The following BRINP1 variants were observed in gnomAD, a reference collection of about 807,000 sequenced individuals.
The protein encoded by BRINP1 is BMP/retinoic acid-inducible neural-specific protein 1.
A neutral mutation model predicts 72.9 loss-of-function variants in BRINP1; 17 were observed. The ratio of observed to expected loss-of-function variants is 0.23; its 90% CI spans 0.16 to 0.35. The LOEUF (loss-of-function observed/expected upper bound fraction) is 0.35. BRINP1 is among the 10% of genes least tolerant of loss of function. BRINP1 has a pLI of 1.00. For synonymous variants in BRINP1, 418 were observed against 378.5 expected (o/e 1.10, Z -1.21); for missense variants, 850 against 1,001.6 (o/e 0.85, Z 2.04).
chr9:119,168,302 C>T lies in BRINP1; in HGVS notation c.1146-78G>A, dbSNP rs769036094. The T allele has an allele frequency of 2.2e-4, 254 of 1,179,820 alleles. 1 individual carries two copies. Among genetic ancestry groups the T allele is most frequent in the Admixed American group, 3.5e-4 (11 of 31,820 alleles). 73.1% of individuals were successfully genotyped at this position (1,179,820 alleles called of 1,614,324 possible). On this transcript the variant is annotated intron_variant, in intron 7 of 7. Coordinates refer to ENST00000265922, the MANE Select transcript of BRINP1 (RefSeq NM_014618.3). The stretch of plus-strand genomic sequence containing the variant: ...AGTTACAGTTATCCAACTGATAATG[C>T]GAACTGGAGCTGCCAAAAAGATGAA...
rs148052034 is a variant in BRINP1 at position 119,214,020 on chromosome 9, G to A, written c.821C>T (p.Pro274Leu). 10 of 1,614,120 alleles carry A rather than the reference G, an allele frequency of 6.2e-6. No individual in the cohort carries two copies. The highest frequency in any genetic ancestry group is 2.2e-5 in the South Asian group (2 of 91,084). The change falls in exon 6 of 8, where the codon CCG (proline) becomes CTG (leucine). Residue 274 changes from proline to leucine, a missense_variant. Physicochemically the swap from Pro to Leu is moderately conservative, Grantham distance 98 (BLOSUM62 -3). Coordinates refer to ENST00000265922, the MANE Select transcript of BRINP1 (RefSeq NM_014618.3). ...GTCCGTGATGGGGCAGTTGCACTGC[G>A]GAAACTCCTCGGCACATTGGCAGCG... is the stretch of plus-strand genomic sequence containing the variant. ...QCRCQCAEEF[P>L]QCNCPITDIQ...
chr9:119,337,065 G>A (rs1206731510), intron 1 of BRINP1, among the ~76,000 whole-genome samples: 1 of 152,024 alleles, frequency 6.6e-6, no homozygotes, highest in African/African-American at 2.4e-5. Flanking sequence ...CATCTGACTG[G>A]ACCAGCCTCC....
At chr9:119,208,965 G>T in intron 6 of BRINP1, 24 bp from the exon 7 acceptor site, 1 of 1,589,362 alleles carries the variant, frequency 6.3e-7, no homozygotes, top group Non-Finnish European at 8.6e-7. Context: ...AAGGCCGAGA[G>T]AGAAGGGCTA....
chr9:119,326,124 T>G (rs1031221773), intron 1 of BRINP1, among the ~76,000 whole-genome samples: 7 of 152,194 alleles, frequency 4.6e-5, no homozygotes, highest in African/African-American at 1.7e-4. Flanking sequence ...TAAATTGCAT[T>G]ATTTTGATTT....
rs1169912350 is a variant in BRINP1 at position 119,167,102 on chromosome 9, C to A, written c.2268G>T (p.Met756Ile). The A allele has an allele frequency of 1.2e-6, 2 of 1,604,910 alleles. No individual in the cohort carries two copies. Among genetic ancestry groups the A allele is most frequent in the Non-Finnish European group, 1.7e-6 (2 of 1,173,916 alleles). The stretch of plus-strand genomic sequence containing the variant: ...TCCCGGGTTAGCAGAGTTTGGCTGT[C>A]ATCTGGTCCGACTGTTTGAGGATCT... The part of the protein sequence containing the change: ...NTEILKQSDQ[M>I]TAKLC Residue 756 changes from methionine (M) to isoleucine (I), a missense_variant, in exon 8 of 8, where the codon ATG becomes ATT. Transcript: ENST00000265922. The surrounding 1 kb of genome is among the most constrained non-coding windows in gnomAD (Gnocchi z 4.3).
At chr9:119,207,014 G>A (rs1829864480) in intron 7 of BRINP1, among the ~76,000 whole-genome samples, 1 of 152,176 alleles carries the variant, frequency 6.6e-6, no homozygotes, top group Non-Finnish European at 1.5e-5. Flanking sequence ...CAAATTTGGA[G>A]GGAATAGGGA....
At chr9:119,271,893 G>T (rs1156260167) in intron 2 of BRINP1, among the ~76,000 whole-genome samples, 1 of 151,776 alleles carries the variant, frequency 6.6e-6, no homozygotes, top group Non-Finnish European at 1.5e-5. Flanking sequence ...AGAGACAGGG[G>T]TCTTGCCATG....
intron 3 of BRINP1, among the ~76,000 whole-genome samples, chr9:119,247,634 G>A (rs900176058): frequency 1.7e-5 from 2 of 120,150 alleles, no homozygotes; most frequent in East Asian, 5.1e-4. Context: ...CTCCATCCTA[G>A]GCGACAGAGC....
At chr9:119,264,998 A>C (rs1830533788) in intron 2 of BRINP1, among the ~76,000 whole-genome samples, 3 of 152,150 alleles carry the variant, frequency 2.0e-5, no homozygotes. Flanking sequence ...ACTGAATAGG[A>C]CACTGTCTGT....
chr9:119,365,235 G>A (rs539984256), intron 1 of BRINP1, among the ~76,000 whole-genome samples: 1 of 152,360 alleles, frequency 6.6e-6, no homozygotes, highest in African/African-American at 2.4e-5. Context: ...GCTAGATGTT[G>A]AAATATGGGT....
rs569558127 is a variant in BRINP1 at position 119,352,153 on chromosome 9, C to A, written c.-51+16903G>T. 2.9e-4 allele frequency among the ~76,000 whole-genome samples: 44 copies of A among 152,264 alleles called. No homozygotes were observed. In the South Asian group the frequency reaches 5.2e-3, roughly 18 times the overall value. On this transcript the variant is annotated intron_variant, in intron 1 of 7. Transcript: ENST00000265922. ...TGTTTGTCTTAGGTATCCGTAAAGT[C>A]AGCAACCATCCCAAGAAGAACTTTT...
chr9:119,359,040 T>C (rs1464198287), intron 1 of BRINP1, among the ~76,000 whole-genome samples: 1 of 152,196 alleles, frequency 6.6e-6, no homozygotes, highest in Non-Finnish European at 1.5e-5. Context: ...CCTGAGAGTA[T>C]GAGCAATGGC....
intron 1 of BRINP1, among the ~76,000 whole-genome samples, chr9:119,320,541 C>T (rs1831175710): frequency 6.6e-6 from 1 of 152,046 alleles, no homozygotes; most frequent in South Asian, 2.1e-4. Context: ...CGAAGTGCTC[C>T]GAACAAAATC....
At chr9:119,184,885 A>T (rs529219395) in intron 7 of BRINP1, among the ~76,000 whole-genome samples, 1 of 152,306 alleles carries the variant, frequency 6.6e-6, no homozygotes, top group East Asian at 1.9e-4. Flanking sequence ...ACAGGCCTAT[A>T]ACATCTTACC....
intron 2 of BRINP1, among the ~76,000 whole-genome samples, chr9:119,282,379 A>G (rs1291458334): frequency 6.6e-6 from 1 of 152,226 alleles, no homozygotes; most frequent in Non-Finnish European, 1.5e-5. Flanking sequence ...AGATCCAGCA[A>G]AATGGGTAAG....
At chr9:119,347,517 ATTAT>A (rs902582205) in intron 1 of BRINP1, among the ~76,000 whole-genome samples, 4 of 152,046 alleles carry the variant, frequency 2.6e-5, no homozygotes, top group Admixed American at 2.6e-4. Context: ...ATTATTGGAC[ATTAT>A]TATTATTATT....
intron 2 of BRINP1, among the ~76,000 whole-genome samples, chr9:119,299,594 C>T (rs1830919024): frequency 6.9e-6 from 1 of 145,074 alleles, no homozygotes; most frequent in African/African-American, 2.6e-5. Context: ...GCATGGGTGA[C>T]ACGGCGAGAC....
At chr9:119,366,317 C>T (rs533561644) in intron 1 of BRINP1, among the ~76,000 whole-genome samples, 1 of 152,162 alleles carries the variant, frequency 6.6e-6, no homozygotes, top group East Asian at 1.9e-4. Context: ...GATGGGTGTA[C>T]ATTTTGCTCT....
intron 2 of BRINP1, among the ~76,000 whole-genome samples, chr9:119,295,114 C>T (rs1830861411): frequency 1.3e-5 from 2 of 151,912 alleles, no homozygotes; most frequent in Non-Finnish European, 2.9e-5. Flanking sequence ...AATATACTGG[C>T]ATGTATCACT....
Sources: allele counts gnomAD v4.1 joint callset (sites outside exome capture counted in the v4.1 genomes callset), GRCh38; gene constraint gnomAD v4.1.1; non-coding constraint Gnocchi (gnomAD v3.1); transcripts MANE v1.5; gene names NCBI Gene and HGNC (gene_info 2026-07-23, HGNC 2026-07-21).